Variants in LAMB1 observed in about 807,000 individuals in gnomAD.
LAMB1 encodes laminin subunit beta 1.
LAMB1 carries 121 observed loss-of-function variants against 222.3 expected under a neutral mutation model. The observed-to-expected ratio is 0.54, with a 90% confidence interval of 0.47 to 0.63. The LOEUF (loss-of-function observed/expected upper bound fraction) is 0.63. LAMB1 is among the 30% of genes least tolerant of loss of function. The pLI is 0.00. For synonymous variants in LAMB1, 794 were observed against 807.2 expected, an observed-to-expected ratio of 0.98 and a Z score of 0.28; for missense variants, 2,172 against 2,240.8, an observed-to-expected ratio of 0.97 and a Z score of 0.62.
chr7:107,993,414 G>A (rs1017501503), intron 5 of LAMB1, among the ~76,000 whole-genome samples: 6 of 152,308 alleles, frequency 3.9e-5, no homozygotes, highest in African/African-American at 1.2e-4. Flanking sequence ...GATTACAGGT[G>A]TGAGCCACCA....
At chr7:107,940,971 C>G (rs988648204) in intron 24 of LAMB1, among the ~76,000 whole-genome samples, 4 of 152,280 alleles carry the variant, frequency 2.6e-5, no homozygotes, top group East Asian at 1.9e-4. Flanking sequence ...CAAAACAAAA[C>G]AAAACCCAAA....
At chr7:107,938,328 A>G (rs941663730) in intron 25 of LAMB1, among the ~76,000 whole-genome samples, 2 of 152,174 alleles carry the variant, frequency 1.3e-5, no homozygotes, top group African/African-American at 4.8e-5. Flanking sequence ...GCTAATATAC[A>G]TAGTTTCTTT....
chr7:107,977,586 A>C (rs2033892803), intron 9 of LAMB1, among the ~76,000 whole-genome samples: 1 of 152,008 alleles, frequency 6.6e-6, no homozygotes, highest in South Asian at 2.1e-4. Context: ...TCAGGAGTTC[A>C]AGACCAGCCT....
At chr7:107,947,882 A>G (rs755793162) in intron 24 of LAMB1, among the ~76,000 whole-genome samples, 1 of 151,920 alleles carries the variant, frequency 6.6e-6, no homozygotes, top group Admixed American at 6.6e-5. Context: ...CAAATTTCCA[A>G]ATGTCCCCAC....
intron 8 of LAMB1, among the ~76,000 whole-genome samples, chr7:107,980,310 G>T (rs1162584388): frequency 6.6e-6 from 1 of 151,980 alleles, no homozygotes; most frequent in Non-Finnish European, 1.5e-5. Flanking sequence ...AGACTCAATT[G>T]TTATTTAGAC....
At chr7:107,931,904 A>C (rs2032719952) in intron 28 of LAMB1, among the ~76,000 whole-genome samples, 2 of 152,238 alleles carry the variant, frequency 1.3e-5, no homozygotes, top group Admixed American at 1.3e-4. Flanking sequence ...TCAGAAAAGT[A>C]AGATGGCTAT....
At position 107,940,259 on chromosome 7, in the gene LAMB1, T is replaced by G. The variant is rs1009875717; in HGVS notation, c.3491A>C (p.Lys1164Thr). 1 of 1,614,180 alleles carries G rather than the reference T, an allele frequency of 6.2e-7. No homozygotes were observed. Among genetic ancestry groups the G allele is most frequent in the Admixed American group, 1.7e-5 (1 of 60,022 alleles). ...VEGVEGPRCDKCTRGYSGVFP... is the reference protein window; with the variant it reads ...VEGVEGPRCDTCTRGYSGVFP... ...GACCCCCGAGTACCCTCGCGTGCAC[T>G]TGTCACAGCGTGGACCCTCAACACC... Residue 1164 changes from lysine to threonine, a missense_variant, in exon 25 of 34, where the codon AAG (lysine) becomes ACG (threonine). Coordinates refer to ENST00000222399, the MANE Select transcript of LAMB1 (RefSeq NM_002291.3).
At chr7:107,928,704 G>A (rs1051710284) in intron 31 of LAMB1, among the ~76,000 whole-genome samples, 7 of 152,150 alleles carry the variant, frequency 4.6e-5, no homozygotes, top group Non-Finnish European at 8.8e-5. Context: ...TGTTGGCCAC[G>A]CTGGTCTTGA....
At chr7:107,958,735 C>G (rs940908806) in intron 20 of LAMB1, among the ~76,000 whole-genome samples, 1 of 152,314 alleles carries the variant, frequency 6.6e-6, no homozygotes, top group African/African-American at 2.4e-5. Flanking sequence ...TACTCTACAT[C>G]TAGCACATCC....
chr7:107,971,706 G>A (rs2033752245), intron 13 of LAMB1, among the ~76,000 whole-genome samples: 1 of 152,124 alleles, frequency 6.6e-6, no homozygotes, highest in Non-Finnish European at 1.5e-5. Flanking sequence ...ATACATTCTG[G>A]TTTTTATAAA....
intron 24 of LAMB1, among the ~76,000 whole-genome samples, chr7:107,945,816 T>C (rs2033103168): frequency 6.6e-6 from 1 of 152,264 alleles, no homozygotes; most frequent in African/African-American, 2.4e-5. Flanking sequence ...GCACGTTCTC[T>C]GTAGATGGCC....
chr7:107,972,888 TA>T, intron 13 of LAMB1, 103 bp downstream of exon 13: 1 of 903,418 alleles, frequency 1.1e-6, no homozygotes, highest in South Asian at 1.3e-5. Context: ...ATACAAAAAA[TA>T]TTTTGCATGT....
chr7:107,933,664 C>T (rs555984491), intron 27 of LAMB1, among the ~76,000 whole-genome samples: 12 of 151,404 alleles, frequency 7.9e-5, no homozygotes, highest in African/African-American at 2.7e-4. Flanking sequence ...ACTAGAAGTA[C>T]CTGAAAAACA....
chr7:107,994,624 G>A (rs752863705), intron 5 of LAMB1, among the ~76,000 whole-genome samples: 1 of 152,018 alleles, frequency 6.6e-6, no homozygotes, highest in Admixed American at 6.6e-5. Context: ...TACTCTATGG[G>A]GAAATAAAAA....
intron 4 of LAMB1, among the ~76,000 whole-genome samples, chr7:107,995,855 A>G (rs1188826038): frequency 6.6e-6 from 1 of 152,150 alleles, no homozygotes; most frequent in Non-Finnish European, 1.5e-5. Context: ...AATGTGTCAG[A>G]ATGAATCATG....
chr7:107,975,652 G>C (rs753837295), intron 10 of LAMB1, 37 bp downstream of exon 10: 1 of 1,564,826 alleles, frequency 6.4e-7, no homozygotes. Flanking sequence ...GCAATCTGAA[G>C]TAGGTCCCAC....
In LAMB1 at chr7:107,929,588, T is replaced by C. The variant is rs748720066; in HGVS notation, c.4569A>G (p.Ala1523=). Residue 1523 remains alanine (A), a synonymous_variant, in exon 30 of 34, where the codon GCA becomes GCG. Coordinates refer to ENST00000222399, the MANE Select transcript of LAMB1 (RefSeq NM_002291.3). ...QDSADLDSIE[A]VANEVLKMEM... is the part of the protein sequence containing the mutation. ...CCATTTTCAATACTTCATTAGCAAC[T>C]GCTTCAATGCTGTCCAAATCAGCAC... 148 of 1,613,976 alleles carry C rather than the reference T, an allele frequency of 9.2e-5. No homozygotes were observed. The highest frequency in any genetic ancestry group is 1.2e-4 in the Non-Finnish European group (147 of 1,179,982).
chr7:107,964,097 C>G (rs556395255), intron 14 of LAMB1, among the ~76,000 whole-genome samples: 1 of 151,616 alleles, frequency 6.6e-6, no homozygotes, highest in Non-Finnish European at 1.5e-5. Flanking sequence ...AACTCAGTCT[C>G]GAAAAAAAGA....
intron 5 of LAMB1, among the ~76,000 whole-genome samples, chr7:107,987,786 G>GC (rs2034107211): frequency 6.6e-6 from 1 of 152,216 alleles, no homozygotes; most frequent in South Asian, 2.1e-4. Flanking sequence ...ACAAGTGTGA[G>GC]CCCCCGCGCC....
Sources: allele counts gnomAD v4.1 joint callset (sites outside exome capture counted in the v4.1 genomes callset), GRCh38; gene constraint gnomAD v4.1.1; transcripts MANE v1.5; gene names NCBI Gene and HGNC (gene_info 2026-07-23, HGNC 2026-07-21).